Variants in ABLIM3 observed in about 807,000 individuals in gnomAD.
ABLIM3 encodes actin-binding LIM protein 3.
A neutral mutation model predicts 109.5 loss-of-function variants in ABLIM3; 61 were observed. That is an observed-to-expected ratio of 0.56 (90% CI 0.45 to 0.69). The LOEUF is 0.69. Ranked by LOEUF, ABLIM3 falls within the 30% of genes least tolerant of loss-of-function variation. ABLIM3 has a pLI of 0.00. For missense variants in ABLIM3, 796 were observed against 889.5 expected (o/e 0.89, Z 1.34); for synonymous variants, 300 against 324.8 (o/e 0.92, Z 0.82).
chr5:149,239,147 C>T, intron 11 of ABLIM3, 101 bp from the exon 12 acceptor site: 1 of 1,185,984 alleles, frequency 8.4e-7, no homozygotes, highest in Non-Finnish European at 1.3e-6. Flanking sequence ...TGCTGCAAAC[C>T]CTCTCTGCCG....
intron 3 of ABLIM3, among the ~76,000 whole-genome samples, chr5:149,196,672 A>G (rs1758007514): frequency 6.6e-6 from 1 of 152,192 alleles, no homozygotes; most frequent in Non-Finnish European, 1.5e-5. Flanking sequence ...ATTGCTAATC[A>G]GGCCCCTTCC....
rs762361212 is a variant in ABLIM3 at position 149,251,309 on chromosome 5, G to A, written c.1789-50G>A. 7.5e-6 allele frequency: 12 copies of A among 1,609,684 alleles called. 1 individual carries two copies. In the South Asian group the frequency reaches 1.1e-4, roughly 15 times the overall value. On this transcript the variant is annotated intron_variant, in intron 20 of 23. Coordinates refer to ENST00000309868, the MANE Select transcript of ABLIM3 (RefSeq NM_014945.5). ...TGGAGGTGGGTGAGTGCTTCAGGGA[G>A]GCAGAGGTGAGCTTATCTCAGGCCA...
chr5:149,206,991 G>A lies in ABLIM3; in HGVS notation c.449-17G>A, dbSNP rs760969988. The A allele has an allele frequency of 6.2e-7, 1 of 1,613,278 alleles. No homozygotes were observed. ...GGCCCAGGGTGCTTTGCTCAGCAGT[G>A]TCCTCTTGTCTTGCAGACTGTGCCG... On this transcript the variant is annotated splice_polypyrimidine_tract_variant and intron_variant, in intron 5 of 23. Transcript: ENST00000309868.
Position 149,193,351 on chromosome 5 carries a change from C to T in ABLIM3, c.152-4868C>T, listed in dbSNP as rs189890963. Among the ~76,000 whole-genome samples the T allele has an allele frequency of 4.0e-4, 60 of 151,840 alleles. No individual in the cohort carries two copies. In the East Asian group the frequency reaches 6.0e-3, roughly 15 times the overall value. On this transcript the variant is annotated intron_variant, in intron 3 of 23. Transcript: ENST00000309868. ...TTGTATTCACCATTAACAATCAAGA[C>T]GCCATTTACCTGAACAAGAAAAAAA... is the stretch of plus-strand genomic sequence containing the variant.
At chr5:149,236,348 T>G (rs764654668) in intron 10 of ABLIM3, among the ~76,000 whole-genome samples, 1 of 152,170 alleles carries the variant, frequency 6.6e-6, no homozygotes, top group Non-Finnish European at 1.5e-5. Flanking sequence ...GCCCTGAGAC[T>G]GTACTTGGCT....
chr5:149,145,542 T>A (rs1752830257), intron 2 of ABLIM3, among the ~76,000 whole-genome samples: 1 of 152,172 alleles, frequency 6.6e-6, no homozygotes, highest in African/African-American at 2.4e-5. Context: ...GGTATTTCTG[T>A]TTTAAGTTCT....
intron 14 of ABLIM3, among the ~76,000 whole-genome samples, chr5:149,241,161 C>T (rs1336254100): frequency 6.6e-6 from 1 of 152,204 alleles, no homozygotes; most frequent in Non-Finnish European, 1.5e-5. Context: ...TGACTGTGAG[C>T]CAGTTACTTG....
intron 2 of ABLIM3, among the ~76,000 whole-genome samples, chr5:149,174,068 G>T (rs1755710464): frequency 6.7e-6 from 1 of 148,354 alleles, no homozygotes; most frequent in Non-Finnish European, 1.5e-5. Flanking sequence ...ATGGTGATCT[G>T]CAAGGATGTA....
intron 3 of ABLIM3, among the ~76,000 whole-genome samples, chr5:149,183,895 T>A (rs1390125482): frequency 1.3e-5 from 2 of 151,954 alleles, no homozygotes; most frequent in Non-Finnish European, 2.9e-5. Context: ...TATAAATCAG[T>A]GTGAGAGCAA....
intron 5 of ABLIM3, among the ~76,000 whole-genome samples, chr5:149,202,352 G>A (rs537002170): frequency 1.3e-5 from 2 of 152,264 alleles, no homozygotes; most frequent in South Asian, 4.2e-4. Context: ...TTCCAGTGGG[G>A]GCATACTTAG....
intron 10 of ABLIM3, among the ~76,000 whole-genome samples, chr5:149,237,102 G>A (rs1752280807): frequency 6.6e-6 from 1 of 152,150 alleles, no homozygotes; most frequent in Non-Finnish European, 1.5e-5. Context: ...TTAGCTTAGT[G>A]GTGCAAACTG....
intron 19 of ABLIM3, 102 bp downstream of exon 19, chr5:149,249,946 G>T (rs1224588704): frequency 7.2e-7 from 1 of 1,380,658 alleles, no homozygotes; most frequent in Admixed American, 1.7e-5. Flanking sequence ...CAATGTGGAT[G>T]TCCCAGCCCA....
At chr5:149,227,396 G>A (rs55859896) in intron 8 of ABLIM3, among the ~76,000 whole-genome samples, 6,896 of 152,222 alleles carry the variant, frequency 0.045, 491 homozygotes, top group African/African-American at 0.15. Flanking sequence ...AGGACAGGAG[G>A]AAGTGACTCA....
chr5:149,255,455 A>G (rs1368385399), intron 23 of ABLIM3, among the ~76,000 whole-genome samples: 1 of 152,192 alleles, frequency 6.6e-6, no homozygotes, highest in African/African-American at 2.4e-5. Context: ...AAAATAAATG[A>G]CACCATGTGT....
chr5:149,220,445 G>A (rs1760528497), intron 8 of ABLIM3: 1 of 152,132 alleles, frequency 6.6e-6, no homozygotes, highest in Non-Finnish European at 1.5e-5. Flanking sequence ...CTGGCTCCTG[G>A]GAGAGTGGGA....
chr5:149,143,102 T>A (rs1752633217), intron 2 of ABLIM3, among the ~76,000 whole-genome samples: 1 of 152,092 alleles, frequency 6.6e-6, no homozygotes, highest in Non-Finnish European at 1.5e-5. Flanking sequence ...CCGTGTTCCA[T>A]GCCTGTAATC....
At chr5:149,217,237 G>A in intron 8 of ABLIM3, 191 bp downstream of exon 8, 1 of 617,096 alleles carries the variant, frequency 1.6e-6, no homozygotes, top group Non-Finnish European at 2.9e-6. Flanking sequence ...CTAATATGAA[G>A]TGACATGTAA....
At chr5:149,190,438 G>C (rs1191820890) in intron 3 of ABLIM3, among the ~76,000 whole-genome samples, 1 of 152,190 alleles carries the variant, frequency 6.6e-6, no homozygotes, top group Non-Finnish European at 1.5e-5. Context: ...CCAGCACTTT[G>C]GGAGGCCGAG....
Position 149,239,809 on chromosome 5 carries a change from G to T in ABLIM3, c.1125G>T (p.Gly375=). Residue 375 remains glycine (G), a synonymous_variant, in exon 13 of 24, where the codon GGG becomes GGT. Transcript: ENST00000309868. ...GGCAGAGACGGGCCTCCAGCCCGGG[G>T]TACATAGACTCCCCCACCTACAGCC... ...DLRQRRASSP[G]YIDSPTYSRQ... 6.2e-7 allele frequency: 1 copy of T among 1,610,012 alleles called. No individual in the cohort carries two copies. The highest frequency in any genetic ancestry group is 8.5e-7 in the Non-Finnish European group (1 of 1,178,100).
Sources: allele counts gnomAD v4.1 joint callset (sites outside exome capture counted in the v4.1 genomes callset), GRCh38; gene constraint gnomAD v4.1.1; transcripts MANE v1.5; gene names NCBI Gene and HGNC (gene_info 2026-07-23, HGNC 2026-07-21).